DLGAP2: variants seen among roughly 807,000 people sequenced by gnomAD.
DLGAP2 encodes DLG associated protein 2.
A neutral mutation model predicts 100.3 loss-of-function variants in DLGAP2; 26 were observed. That is an observed-to-expected ratio of 0.26 (90% CI 0.19 to 0.36). DLGAP2 has a LOEUF of 0.36. Ranked by LOEUF, DLGAP2 falls within the 10% of genes least tolerant of loss-of-function variation. The pLI, the probability that DLGAP2 is intolerant of heterozygous loss-of-function variation, is 1.00. For synonymous variants in DLGAP2, 886 were observed against 630.1 expected (o/e 1.41, Z -6.08); for missense variants, 1,858 against 1,453.2 (o/e 1.28, Z -4.53).
At chr8:1,197,828 C>A (rs900384456) in intron 2 of DLGAP2, among the ~76,000 whole-genome samples, 2 of 152,176 alleles carry the variant, frequency 1.3e-5, no homozygotes, top group African/African-American at 4.8e-5. Context: ...CTGCAGCGTT[C>A]CCTCCCATGG....
intron 1 of DLGAP2, among the ~76,000 whole-genome samples, chr8:882,730 C>G (rs113819006): frequency 1.5e-4 from 21 of 138,434 alleles, no homozygotes; most frequent in African/African-American, 3.8e-4. Context: ...CTCTCCTGCG[C>G]GCACCCTCGC....
intron 3 of DLGAP2, among the ~76,000 whole-genome samples, chr8:1,285,565 C>G (rs1447855066): frequency 6.6e-6 from 1 of 152,178 alleles, no homozygotes. Flanking sequence ...GTGAACAAGA[C>G]ACACCTGTCT....
intron 1 of DLGAP2, among the ~76,000 whole-genome samples, chr8:789,478 C>A (rs989148699): frequency 2.0e-5 from 3 of 152,166 alleles, no homozygotes; most frequent in African/African-American, 7.2e-5. Flanking sequence ...CCACCAGGCC[C>A]CTCTTCCGAC....
chr8:1,137,530 TTTAA>T (rs1298274780), intron 2 of DLGAP2: 3 of 152,216 alleles, frequency 2.0e-5, no homozygotes, highest in Non-Finnish European at 4.4e-5. Flanking sequence ...AGCGAAAATG[TTTAA>T]TTGACTACGA....
intron 1 of DLGAP2, among the ~76,000 whole-genome samples, chr8:747,315 T>A (rs1182459996): frequency 1.3e-5 from 2 of 151,844 alleles, no homozygotes; most frequent in Non-Finnish European, 2.9e-5. Context: ...AGGAGAAACC[T>A]CCTCTGAAAA....
intron 2 of DLGAP2, among the ~76,000 whole-genome samples, chr8:1,121,016 G>C (rs1796031335): frequency 6.7e-6 from 1 of 149,922 alleles, no homozygotes; most frequent in Non-Finnish European, 1.5e-5. Flanking sequence ...TATCCCTTTA[G>C]AACCCCTGGC....
At chr8:1,086,612 T>A (rs1803981633) in intron 2 of DLGAP2, among the ~76,000 whole-genome samples, 1 of 152,126 alleles carries the variant, frequency 6.6e-6, no homozygotes, top group African/African-American at 2.4e-5. Context: ...GAAGAGTAGT[T>A]ACATGAGACA....
In DLGAP2 at chr8:1,211,898, A is replaced by G. The variant is rs142411485; in HGVS notation, c.74-46953A>G. Among the ~76,000 whole-genome samples the G allele has an allele frequency of 8.0e-3, 1,218 of 152,338 alleles. 15 individuals are homozygous for G. Among genetic ancestry groups the G allele is most frequent in the African/African-American group, 0.027 (1,142 of 41,578 alleles). On this transcript the variant is annotated intron_variant, in intron 2 of 14. Coordinates refer to ENST00000637795, the MANE Select transcript of DLGAP2 (RefSeq NM_001346810.2). ...TCAAAAAATAAAATAAAATAAAAAA[A>G]TAAAAATAATAATTTGCTTCCATCG...
intron 3 of DLGAP2, among the ~76,000 whole-genome samples, chr8:1,434,640 C>G (rs990523809): frequency 6.6e-6 from 1 of 152,130 alleles, no homozygotes; most frequent in Admixed American, 6.5e-5. Context: ...CCACACCAGG[C>G]TAATTTTTGT....
At chr8:1,008,226 G>C (rs990453199) in intron 2 of DLGAP2, among the ~76,000 whole-genome samples, 1 of 152,310 alleles carries the variant, frequency 6.6e-6, no homozygotes, top group East Asian at 1.9e-4. Flanking sequence ...TAGTTATTAC[G>C]TAGAACAAAT....
Position 1,036,693 on chromosome 8 carries a change from G to T in DLGAP2, c.73+128727G>T, listed in dbSNP as rs1369914774. Among the ~76,000 whole-genome samples the T allele has an allele frequency of 2.6e-5, 4 of 152,232 alleles. No homozygotes were observed. In the East Asian group the frequency reaches 5.8e-4, roughly 22 times the overall value. Reference sequence around the variant, plus strand: ...CTAGAGAGCAGCTGTCGTGTACATGGCAGGGAGGGTGCTGGCTCCGGCTCA... The same window carrying T: ...CTAGAGAGCAGCTGTCGTGTACATGTCAGGGAGGGTGCTGGCTCCGGCTCA... On this transcript the variant is annotated intron_variant, in intron 2 of 14. Transcript: ENST00000637795.
intron 2 of DLGAP2, among the ~76,000 whole-genome samples, chr8:1,165,306 A>G (rs2116662429): frequency 6.6e-6 from 1 of 152,030 alleles, no homozygotes; most frequent in South Asian, 2.1e-4. Context: ...ACAGGGAGAG[A>G]GAGAGAGAGC....
chr8:828,477 G>T (rs1796722963), intron 1 of DLGAP2, among the ~76,000 whole-genome samples: 1 of 152,224 alleles, frequency 6.6e-6, no homozygotes, highest in African/African-American at 2.4e-5. Flanking sequence ...GGTGGTCAGA[G>T]TTTAAGGTTA....
intron 1 of DLGAP2, among the ~76,000 whole-genome samples, chr8:810,525 C>G (rs1796351933): frequency 6.6e-6 from 1 of 152,236 alleles, no homozygotes; most frequent in Non-Finnish European, 1.5e-5. Flanking sequence ...ATAAATGAAA[C>G]TTCATTACAC....
At chr8:1,585,493 G>T (rs952687573) in intron 6 of DLGAP2, among the ~76,000 whole-genome samples, 1 of 152,190 alleles carries the variant, frequency 6.6e-6, no homozygotes, top group Non-Finnish European at 1.5e-5. Flanking sequence ...CAGTTCAGGG[G>T]GCTGTAGTGA....
At chr8:954,471 C>A (rs576832607) in intron 2 of DLGAP2, among the ~76,000 whole-genome samples, 4 of 152,254 alleles carry the variant, frequency 2.6e-5, no homozygotes, top group African/African-American at 9.6e-5. Flanking sequence ...TATAAATGTT[C>A]ATTGACTAGA....
At chr8:903,220 A>G (rs1798299030) in intron 1 of DLGAP2, among the ~76,000 whole-genome samples, 1 of 152,104 alleles carries the variant, frequency 6.6e-6, no homozygotes, top group African/African-American at 2.4e-5. Flanking sequence ...TTGGGGCCAA[A>G]GATTACAAAC....
At chr8:920,879 A>G (rs1369666052) in intron 2 of DLGAP2, among the ~76,000 whole-genome samples, 4 of 152,218 alleles carry the variant, frequency 2.6e-5, no homozygotes, top group Admixed American at 2.0e-4. Context: ...GGCCGGGTTT[A>G]CTGTGTGCTT....
intron 1 of DLGAP2, among the ~76,000 whole-genome samples, chr8:793,153 A>G (rs765959041): frequency 3.9e-5 from 6 of 152,042 alleles, no homozygotes; most frequent in Non-Finnish European, 5.9e-5. Flanking sequence ...CATTTGGCTG[A>G]TGTCTATCTT....
Sources: allele counts gnomAD v4.1 joint callset (sites outside exome capture counted in the v4.1 genomes callset), GRCh38; gene constraint gnomAD v4.1.1; transcripts MANE v1.5; gene names NCBI Gene and HGNC (gene_info 2026-07-23, HGNC 2026-07-21).